Variants in TENM2 observed in about 807,000 individuals in gnomAD.
TENM2 encodes the protein teneurin-2.
A neutral mutation model predicts 245.2 loss-of-function variants in TENM2; 52 were observed. The observed-to-expected ratio is 0.21, with a 90% CI of 0.17 to 0.27. The LOEUF (loss-of-function observed/expected upper bound fraction) is 0.27, where lower values mean the gene tolerates loss of function less well. TENM2 is among the 10% of genes least tolerant of loss of function. The pLI is 1.00. For missense variants in TENM2, 3,046 were observed against 3,666.8 expected (o/e 0.83, Z 4.37); for synonymous variants, 1,363 against 1,438.9 (o/e 0.95, Z 1.19).
At chr5:167,516,334 A>C (rs1010269825) in intron 2 of TENM2, among the ~76,000 whole-genome samples, 1 of 152,150 alleles carries the variant, frequency 6.6e-6, no homozygotes, top group Non-Finnish European at 1.5e-5. Context: ...TAGACATTTT[A>C]ATGAAAAACA....
At chr5:167,835,542 C>G (rs1468329408) in intron 2 of TENM2, among the ~76,000 whole-genome samples, 4 of 152,104 alleles carry the variant, frequency 2.6e-5, no homozygotes, top group Admixed American at 2.6e-4. Context: ...CTTTTTAGTT[C>G]TTCCTGGAGA....
chr5:167,143,862 C>T, the TENM2 span, among the ~76,000 whole-genome samples: 3 of 152,262 alleles, frequency 2.0e-5, no homozygotes, highest in Non-Finnish European at 4.4e-5. Context: ...TTTGCTTTGC[C>T]TGGCTTATAT....
intron 2 of TENM2, among the ~76,000 whole-genome samples, chr5:167,811,400 C>A (rs1583069880): frequency 6.6e-6 from 1 of 152,162 alleles, no homozygotes; most frequent in East Asian, 1.9e-4. Flanking sequence ...TCTCTTGCTC[C>A]TGACCCCACC....
At chr5:167,328,189 A>G (rs1220849585) in intron 1 of TENM2, among the ~76,000 whole-genome samples, 1 of 138,654 alleles carries the variant, frequency 7.2e-6, no homozygotes, top group Non-Finnish European at 1.5e-5. Context: ...CAACAGTTCG[A>G]TAGTTTCTCA....
At chr5:168,217,122 G>C (rs539572278) in intron 22 of TENM2, among the ~76,000 whole-genome samples, 200 bp downstream of exon 24, 1 of 152,132 alleles carries the variant, frequency 6.6e-6, no homozygotes. Context: ...GAGAGAGAGA[G>C]AGAGCAAGAG....
At chr5:167,494,200 A>G (rs1768629848) in intron 2 of TENM2, among the ~76,000 whole-genome samples, 1 of 152,164 alleles carries the variant, frequency 6.6e-6, no homozygotes, top group African/African-American at 2.4e-5. Context: ...GGAGAACACA[A>G]GATGACCGCT....
At chr5:167,080,602 C>T in the TENM2 span, among the ~76,000 whole-genome samples, 1 of 151,844 alleles carries the variant, frequency 6.6e-6, no homozygotes, top group Admixed American at 6.6e-5. Context: ...GAAGCCTTTC[C>T]TCGGGATGCT....
intron 2 of TENM2, among the ~76,000 whole-genome samples, chr5:167,574,749 A>T (rs1582427992): frequency 6.6e-6 from 1 of 152,228 alleles, no homozygotes; most frequent in Non-Finnish European, 1.5e-5. Flanking sequence ...GCGGCTCAAT[A>T]ATGGAGGGGC....
chr5:167,532,929 A>G (rs988351249), intron 2 of TENM2, among the ~76,000 whole-genome samples: 2 of 151,886 alleles, frequency 1.3e-5, no homozygotes, highest in African/African-American at 4.8e-5. Flanking sequence ...TTCACAAAAT[A>G]TTTATCCAGT....
the TENM2 span, among the ~76,000 whole-genome samples, chr5:167,063,212 A>C: frequency 6.6e-6 from 1 of 152,218 alleles, no homozygotes; most frequent in South Asian, 2.1e-4. Flanking sequence ...CCAGAGATAA[A>C]CCTTGTCTTG....
At chr5:167,205,791 T>A in the TENM2 span, among the ~76,000 whole-genome samples, 3 of 152,190 alleles carry the variant, frequency 2.0e-5, no homozygotes, top group African/African-American at 7.2e-5. Flanking sequence ...TGCATCTCTT[T>A]CTGGAGCTCT....
chr5:167,188,630 T>A, the TENM2 span, among the ~76,000 whole-genome samples: 1 of 152,184 alleles, frequency 6.6e-6, no homozygotes, highest in Non-Finnish European at 1.5e-5. Context: ...ACAAGGTTTT[T>A]AATTTTTGAT....
At chr5:167,125,431 T>C in the TENM2 span, among the ~76,000 whole-genome samples, 1 of 152,100 alleles carries the variant, frequency 6.6e-6, no homozygotes, top group Non-Finnish European at 1.5e-5. Context: ...AAAGAATGAG[T>C]TGGAGCGGAA....
chr5:167,396,024 T>A (rs1762030399), intron 2 of TENM2, among the ~76,000 whole-genome samples: 1 of 152,130 alleles, frequency 6.6e-6, no homozygotes, highest in Admixed American at 6.6e-5. Context: ...ATATATAAAA[T>A]GATACAACCA....
chr5:168,127,029 C>T (rs1943136860), intron 12 of TENM2, 63 bp downstream of exon 14: 2 of 1,391,680 alleles, frequency 1.4e-6, no homozygotes, highest in Non-Finnish European at 2.0e-6. Flanking sequence ...TGGCAACTGG[C>T]TGTTCCTTCA....
At chr5:167,109,460 T>C in the TENM2 span, among the ~76,000 whole-genome samples, 4 of 152,274 alleles carry the variant, frequency 2.6e-5, no homozygotes, top group African/African-American at 9.6e-5. Context: ...ATCCTCAGCA[T>C]TAAACAAAAA....
rs376010534 is a variant in TENM2, at chr5:167,550,785, A to C, written c.502+175312A>C. On this transcript the variant is annotated intron_variant, in intron 2 of 28. Coordinates refer to ENST00000518659, the Ensembl canonical transcript of TENM2. ...TGCTCTGTTACCCAGGCTGGAATGC[A>C]GTGGTGTGATCTTGGCTCAGTGCAA... is the stretch of plus-strand genomic sequence containing the variant. Among the ~76,000 whole-genome samples, 281 of 142,096 alleles carry C rather than the reference A, an allele frequency of 2.0e-3. 11 individuals carry two copies. The South Asian group carries it at 0.061, about 31-fold the overall frequency. The allele number at this position is 142,096 out of a possible 152,430, so 93.2% of individuals were successfully genotyped here.
chr5:168,074,338 A>G (rs988394912), intron 7 of TENM2, among the ~76,000 whole-genome samples: 2 of 152,090 alleles, frequency 1.3e-5, no homozygotes, highest in African/African-American at 4.8e-5. Flanking sequence ...AAACCACCAA[A>G]GCCCCTGCCA....
intron 2 of TENM2, among the ~76,000 whole-genome samples, chr5:167,792,109 C>T (rs1162677235): frequency 1.3e-5 from 2 of 152,150 alleles, no homozygotes; most frequent in Non-Finnish European, 2.9e-5. Flanking sequence ...GTCAAGACAG[C>T]TGCAATTTCA....
Sources: allele counts gnomAD v4.1 joint callset (sites outside exome capture counted in the v4.1 genomes callset), GRCh38; gene constraint gnomAD v4.1.1; transcripts MANE v1.5; gene names NCBI Gene and HGNC (gene_info 2026-07-23, HGNC 2026-07-21).